Variants in CFAP52 observed in about 807,000 individuals in gnomAD.
CFAP52 encodes the protein cilia and flagella associated protein 52.
A neutral mutation model predicts 70.5 loss-of-function variants in CFAP52; 57 were observed. The ratio of observed to expected loss-of-function variants is 0.81; its 90% CI spans 0.65 to 1.01. The LOEUF (loss-of-function observed/expected upper bound fraction) is 1.01. Ranked by LOEUF, CFAP52 falls within the 50% of genes least tolerant of loss-of-function variation. The probability of loss-of-function intolerance (pLI) is 0.00; values close to 1 mark genes in which losing one functional copy is unlikely to be tolerated. For missense variants in CFAP52, 785 were observed against 788.5 expected (o/e 1.00, Z 0.05); for synonymous variants, 267 against 292.5 (o/e 0.91, Z 0.89).
intron 13 of CFAP52, among the ~76,000 whole-genome samples, chr17:9,642,410 G>A (rs1911113118): frequency 6.6e-6 from 1 of 152,154 alleles, no homozygotes. Flanking sequence ...GATCACCTGG[G>A]GTCAGGAGTT....
intron 1 of CFAP52, 81 bp from the exon 2 acceptor site, chr17:9,585,692 G>A (rs945521946): frequency 1.7e-5 from 22 of 1,312,468 alleles, no homozygotes; most frequent in Non-Finnish European, 2.4e-5. Flanking sequence ...CACACACAAA[G>A]TGTTGTGTTT....
intron 2 of CFAP52, 43 bp downstream of exon 2, chr17:9,586,015 T>G: frequency 1.3e-6 from 2 of 1,591,082 alleles, no homozygotes; most frequent in African/African-American, 1.3e-5. Context: ...TATCTAGAGG[T>G]GCCTCCCTAG....
intron 11 of CFAP52, among the ~76,000 whole-genome samples, chr17:9,636,944 C>A (rs1165829931): frequency 6.6e-6 from 1 of 152,098 alleles, no homozygotes; most frequent in African/African-American, 2.4e-5. Flanking sequence ...ACTCAGGAGG[C>A]TGAGGCAGGA....
chr17:9,635,316 T>G (rs1281341925), intron 10 of CFAP52, 89 bp from the exon 11 acceptor site: 1 of 1,556,078 alleles, frequency 6.4e-7, no homozygotes, highest in East Asian at 2.3e-5. Context: ...AAATCAAGCA[T>G]AGCAAAGGGG....
rs1381608124 is a variant in CFAP52 at position 9,586,783 on chromosome 17, T to G, written c.356T>G (p.Phe119Cys). 6.2e-7 allele frequency: 1 copy of G among 1,613,714 alleles called. No individual in the cohort carries two copies. Among genetic ancestry groups the G allele is most frequent in the African/African-American group, 1.3e-5 (1 of 74,886 alleles). The change falls in exon 3 of 14, where the codon TTT (phenylalanine) becomes TGT (cysteine). Residue 119 changes from phenylalanine to cysteine, a missense_variant. By Grantham distance (205) the Phe-to-Cys change is radical (BLOSUM62 -2). Coordinates refer to ENST00000352665, the MANE Select transcript of CFAP52 (RefSeq NM_145054.5). ...AAAGGCAAAATTGAAGCTCTGGCCT[T>G]TTCTCCAAATGATTTGTACTTGGTA... ...LHKGKIEALAFSPNDLYLVSL... is the reference protein window; with the variant it reads ...LHKGKIEALACSPNDLYLVSL...
chr17:9,594,210 T>C lies in CFAP52; in HGVS notation c.425T>C (p.Ile142Thr), dbSNP rs1211698552. Residue 142 changes from isoleucine (I) to threonine (T), a missense_variant, in exon 4 of 14, where the codon ATA (isoleucine) becomes ACA (threonine). Ile to Thr is a moderately conservative substitution (Grantham distance 89). Coordinates refer to ENST00000352665, the MANE Select transcript of CFAP52 (RefSeq NM_145054.5). ...PDDGSVVVWS[I>T]AKRDAICGSP... ...TTTGGCAGTGTGGTGGTGTGGAGCA[T>C]AGCCAAGAGAGATGCCATCTGTGGC... is the stretch of plus-strand genomic sequence containing the variant. 6.2e-7 allele frequency: 1 copy of C among 1,612,502 alleles called. No homozygotes were observed. The highest frequency in any genetic ancestry group is 1.7e-5 in the Admixed American group (1 of 59,760).
intron 4 of CFAP52, among the ~76,000 whole-genome samples, chr17:9,595,605 T>G (rs1908963874): frequency 6.6e-6 from 1 of 152,104 alleles, no homozygotes; most frequent in African/African-American, 2.4e-5. Context: ...CATTCTGAAG[T>G]CCATGAGCAA....
chr17:9,584,101 C>T, intron 1 of CFAP52: 3 of 833,728 alleles, frequency 3.6e-6, no homozygotes, highest in Non-Finnish European at 4.6e-6. Context: ...TCTGCAGATG[C>T]CATCTGCCCT....
At chr17:9,591,124 G>A (rs1454310302) in intron 3 of CFAP52, among the ~76,000 whole-genome samples, 1 of 127,598 alleles carries the variant, frequency 7.8e-6, no homozygotes, top group African/African-American at 3.0e-5. Context: ...CACAACCTCT[G>A]CCTCCCAGGT....
intron 8 of CFAP52, among the ~76,000 whole-genome samples, chr17:9,616,048 C>A (rs938701572): frequency 6.6e-6 from 1 of 150,904 alleles, no homozygotes; most frequent in African/African-American, 2.4e-5. Context: ...GCGTGAGCGA[C>A]GCAGAAGACG....
rs558689071 is a variant in CFAP52 at position 9,589,263 on chromosome 17, T to C, written c.407+2429T>C. ...GTACACTTCTATGTATATTTTCTTA[T>C]TTAAGCTTCATAGGTTTATTACAAA... On this transcript the variant is annotated intron_variant, in intron 3 of 13. Transcript: ENST00000352665. Among the ~76,000 whole-genome samples, 6 of 152,338 alleles carry C rather than the reference T, an allele frequency of 3.9e-5. No individual in the cohort carries two copies. In the East Asian group the frequency reaches 1.2e-3, roughly 29 times the overall value.
intron 3 of CFAP52, among the ~76,000 whole-genome samples, chr17:9,593,447 G>GTGTTTT (rs796227791): frequency 6.6e-6 from 1 of 152,094 alleles, no homozygotes; most frequent in Non-Finnish European, 1.5e-5. Context: ...TCTTTTGTTT[G>GTGTTTT]TGTTTTTGTT....
chr17:9,582,536 C>T (rs1403541111), intron 1 of CFAP52, among the ~76,000 whole-genome samples: 1 of 152,088 alleles, frequency 6.6e-6, no homozygotes, highest in African/African-American at 2.4e-5. Flanking sequence ...AGGAGTTCTT[C>T]GTATATTATG....
At chr17:9,633,559 C>T (rs1303417230) in intron 10 of CFAP52, among the ~76,000 whole-genome samples, 1 of 152,112 alleles carries the variant, frequency 6.6e-6, no homozygotes, top group Non-Finnish European at 1.5e-5. Flanking sequence ...ACAATACAGA[C>T]ATGAAAGTGT....
chr17:9,576,832 A>G (rs1323965199), intron 1 of CFAP52, 67 bp downstream of exon 1: 56 of 1,509,428 alleles, frequency 3.7e-5, no homozygotes, highest in Non-Finnish European at 4.8e-5. Flanking sequence ...GCAAACAGGA[A>G]TAGTGAGACA....
intron 10 of CFAP52, among the ~76,000 whole-genome samples, chr17:9,634,347 C>T (rs947463409): frequency 2.0e-5 from 3 of 152,130 alleles, no homozygotes. Context: ...GATCCTTTGT[C>T]CATTAAAGGA....
chr17:9,582,677 C>A (rs537550595), intron 1 of CFAP52, among the ~76,000 whole-genome samples: 4 of 152,304 alleles, frequency 2.6e-5, no homozygotes, highest in African/African-American at 9.6e-5. Context: ...CACTCTGTCA[C>A]CCAGGCTGGA....
chr17:9,615,795 CTTTTTTTTT>C lies in CFAP52; in HGVS notation c.1025+3332_1025+3340del, dbSNP rs1190663709. Among the ~76,000 whole-genome samples, 491 of 67,436 alleles carry C rather than the reference CTTTTTTTTT, an allele frequency of 7.3e-3. 3 individuals carry two copies. The highest frequency in any genetic ancestry group is 0.021 in the African/African-American group (441 of 21,064). The allele number at this position is 67,436 out of a possible 152,430, so 44.2% of individuals were successfully genotyped here. A position where few individuals can be genotyped will look rare whatever the true frequency, so the allele number is the denominator to read the frequency against. ...AGCTAATTAAAACAAAAAAAAAATT[CTTTTTTTTT>C]TTTTTTTTTTTTTTTCCCAGAAACA... On this transcript the variant is annotated intron_variant, in intron 8 of 13. Transcript: ENST00000352665.
chr17:9,585,697 G>A (rs1388732300), intron 1 of CFAP52, 76 bp from the exon 2 acceptor site: 1 of 1,404,766 alleles, frequency 7.1e-7, no homozygotes, highest in Non-Finnish European at 1.0e-6. Context: ...ACAAAGTGTT[G>A]TGTTTTGTAC....
Sources: allele counts gnomAD v4.1 joint callset (sites outside exome capture counted in the v4.1 genomes callset), GRCh38; gene constraint gnomAD v4.1.1; transcripts MANE v1.5; gene names NCBI Gene and HGNC (gene_info 2026-07-23, HGNC 2026-07-21).